Variants in ADGRL2 observed in about 807,000 individuals in gnomAD.
ADGRL2 encodes the protein adhesion G protein-coupled receptor L2, also known as calcium-independent alpha-latrotoxin receptor 2.
ADGRL2 carries 44 observed loss-of-function variants against 157.4 expected under a neutral mutation model. The ratio of observed to expected loss-of-function variants is 0.28; its 90% CI spans 0.22 to 0.36. ADGRL2 has a LOEUF of 0.36. Among genes scored for constraint, ADGRL2 ranks in the 10% least tolerant of loss-of-function variants. The pLI is 1.00. For missense variants in ADGRL2, 1,510 were observed against 1,768.9 expected, an observed-to-expected ratio of 0.85 and a Z score of 2.63; for synonymous variants, 585 against 624.7, an observed-to-expected ratio of 0.94 and a Z score of 0.95.
At chr1:81,789,610 C>T (rs2087229281) in intron 2 of ADGRL2, among the ~76,000 whole-genome samples, 1 of 149,236 alleles carries the variant, frequency 6.7e-6, no homozygotes, top group Non-Finnish European at 1.5e-5. Flanking sequence ...CCTGTAATCC[C>T]AACTACTTTG....
chr1:81,848,525 CT>C (rs1433130264), intron 2 of ADGRL2, among the ~76,000 whole-genome samples: 4 of 151,846 alleles, frequency 2.6e-5, no homozygotes, highest in African/African-American at 9.7e-5. Context: ...CAGGCTGTTA[CT>C]CAAGAATATT....
intron 1 of ADGRL2, among the ~76,000 whole-genome samples, chr1:81,329,462 C>T (rs749045622): frequency 2.8e-4 from 42 of 152,134 alleles, no homozygotes; most frequent in Non-Finnish European, 5.4e-4. Flanking sequence ...TTAATAGTCT[C>T]TGCTCCACAA....
At chr1:81,415,944 C>T (rs1302641755) in intron 1 of ADGRL2, among the ~76,000 whole-genome samples, 2 of 151,630 alleles carry the variant, frequency 1.3e-5, no homozygotes, top group Non-Finnish European at 2.9e-5. Flanking sequence ...GGGTTCATGC[C>T]ATTCTCCTGC....
chr1:81,417,190 C>T (rs2077047853), intron 1 of ADGRL2, among the ~76,000 whole-genome samples: 1 of 152,084 alleles, frequency 6.6e-6, no homozygotes, highest in African/African-American at 2.4e-5. Context: ...CTATACAATT[C>T]TTTATCCCTT....
At chr1:81,906,931 G>A in intron 2 of ADGRL2, 86 bp from the exon 3 acceptor site, 1 of 1,077,032 alleles carries the variant, frequency 9.3e-7, no homozygotes, top group South Asian at 1.5e-5. Flanking sequence ...CGATAGACAT[G>A]AATCATATTA....
chr1:81,841,911 G>A (rs189817962), intron 2 of ADGRL2, among the ~76,000 whole-genome samples: 29 of 152,200 alleles, frequency 1.9e-4, no homozygotes, highest in Non-Finnish European at 3.5e-4. Flanking sequence ...CCATAATAAT[G>A]ATATTCACAG....
chr1:81,437,990 C>T (rs185763266), intron 1 of ADGRL2, among the ~76,000 whole-genome samples: 4 of 151,664 alleles, frequency 2.6e-5, no homozygotes, highest in South Asian at 2.1e-4. Context: ...CATTGCATAG[C>T]GTTGCCTCCC....
chr1:81,804,163 G>A (rs1203311724), intron 1 of ADGRL2, among the ~76,000 whole-genome samples: 1 of 152,106 alleles, frequency 6.6e-6, no homozygotes, highest in East Asian at 1.9e-4. Flanking sequence ...CGTAATACTT[G>A]AGAAACCCTT....
chr1:81,794,893 T>C (rs1359223903), intron 2 of ADGRL2, among the ~76,000 whole-genome samples: 1 of 152,216 alleles, frequency 6.6e-6, no homozygotes, highest in Non-Finnish European at 1.5e-5. Flanking sequence ...TGCTCAGACA[T>C]ATTTATTTTT....
chr1:81,943,301 A>G lies in ADGRL2; in HGVS notation c.742A>G (p.Ile248Val). The change falls in exon 6 of 24, where the codon ATA (isoleucine) becomes GTA (valine). Residue 248 changes from isoleucine (I) to valine (V), a missense_variant. This residue lies in a region of ADGRL2 where 361 missense variants were observed against 498.4 expected (regional missense o/e 0.72). Coordinates refer to ENST00000686636, the MANE Select transcript of ADGRL2 (RefSeq NM_001366006.2). The surrounding 1 kb of genome is among the most constrained non-coding windows in gnomAD (Gnocchi z 5.6). The part of the protein sequence containing the change: ...LRTRIKSGEA[I>V]INYANYHDTS... ...GACTAGAATTAAGAGTGGCGAGGCC[A>G]TAATTAACTATGCCAACTACCATGA... is the stretch of plus-strand genomic sequence containing the variant. The G allele has an allele frequency of 2.5e-6, 4 of 1,613,634 alleles. No individual in the cohort carries two copies. Among genetic ancestry groups the G allele is most frequent in the South Asian group, 1.1e-5 (1 of 91,078 alleles).
intron 3 of ADGRL2, among the ~76,000 whole-genome samples, chr1:81,930,280 A>G (rs1492258): frequency 0.35 from 52,606 of 152,036 alleles, 9,411 homozygotes; most frequent in Middle Eastern, 0.43. Flanking sequence ...CAAAAATAAA[A>G]AGATAATCTT....
In ADGRL2 at chr1:81,855,550, T is replaced by C. The variant is rs2093172865; in HGVS notation, c.73+18493T>C. ...TACTTTTTCTTCCTCTTCTTTTTCT[T>C]TTTCTTTTTTTTACTTTTTAATATT... On this transcript the variant is annotated intron_variant, in intron 2 of 23. Transcript: ENST00000686636. 2.2e-5 allele frequency among the ~76,000 whole-genome samples: 3 copies of C among 138,742 alleles called. No individual in the cohort carries two copies. In the South Asian group the frequency reaches 6.3e-4, roughly 29 times the overall value. The allele number at this position is 138,742 out of a possible 152,430, so 91.0% of individuals were successfully genotyped here. A position where few individuals can be genotyped will look rare whatever the true frequency, so the allele number is the denominator to read the frequency against.
chr1:81,433,833 TA>T (rs1438914622), intron 1 of ADGRL2, among the ~76,000 whole-genome samples: 1 of 152,184 alleles, frequency 6.6e-6, no homozygotes, highest in Non-Finnish European at 1.5e-5. Flanking sequence ...AGCAGTCAGA[TA>T]GCAGCAGGAA....
At chr1:81,525,463 G>A (rs561423114) in intron 2 of ADGRL2, among the ~76,000 whole-genome samples, 2 of 152,150 alleles carry the variant, frequency 1.3e-5, no homozygotes, top group Non-Finnish European at 2.9e-5. Flanking sequence ...GATTGCAGGC[G>A]TGTGCCACCA....
intron 3 of ADGRL2, among the ~76,000 whole-genome samples, chr1:81,915,733 C>G (rs1190616401): frequency 1.3e-5 from 2 of 152,036 alleles, no homozygotes; most frequent in African/African-American, 4.8e-5. Flanking sequence ...GGTGATTTTG[C>G]TTCAGTTTTT....
intron 2 of ADGRL2, among the ~76,000 whole-genome samples, chr1:81,776,754 A>G (rs573740331): frequency 1.3e-5 from 2 of 152,344 alleles, no homozygotes; most frequent in East Asian, 3.9e-4. Context: ...TATAGAGGAT[A>G]AGTTAACAGG....
At chr1:81,727,575 G>C (rs2084575991) in intron 1 of ADGRL2, among the ~76,000 whole-genome samples, 1 of 151,992 alleles carries the variant, frequency 6.6e-6, no homozygotes, top group South Asian at 2.1e-4. Context: ...TGGGATTACA[G>C]GCACGCGCCA....
chr1:81,672,980 T>C (rs541547367), intron 3 of ADGRL2, among the ~76,000 whole-genome samples: 13 of 152,346 alleles, frequency 8.5e-5, no homozygotes, highest in African/African-American at 3.1e-4. Context: ...ATTGTGACTG[T>C]GTACTAGTTC....
At chr1:81,735,911 G>A (rs189304421) in intron 1 of ADGRL2, among the ~76,000 whole-genome samples, 3 of 152,018 alleles carry the variant, frequency 2.0e-5, no homozygotes, top group South Asian at 2.1e-4. Flanking sequence ...TTGGGAGGCC[G>A]AGGTGGGCAG....
Sources: allele counts gnomAD v4.1 joint callset (sites outside exome capture counted in the v4.1 genomes callset), GRCh38; gene constraint gnomAD v4.1.1; regional missense constraint gnomAD v4.1.1; non-coding constraint Gnocchi (gnomAD v3.1); transcripts MANE v1.5; gene names NCBI Gene and HGNC (gene_info 2026-07-23, HGNC 2026-07-21).